Variants in HTATIP2 observed in about 807,000 individuals in gnomAD.
HTATIP2 encodes protein HTATIP2.
A neutral mutation model predicts 24.7 loss-of-function variants in HTATIP2; 26 were observed. That is an observed-to-expected ratio of 1.05 (90% CI 0.77 to 1.46). HTATIP2 has a LOEUF of 1.46. Ranked by LOEUF, HTATIP2 falls within the 40% of genes most tolerant of loss-of-function variation. HTATIP2 has a pLI of 0.00. For synonymous variants in HTATIP2, 99 were observed against 113.2 expected, an observed-to-expected ratio of 0.87 and a Z score of 0.79; for missense variants, 284 against 289.6, an observed-to-expected ratio of 0.98 and a Z score of 0.14.
chr11:20,371,539 C>T (rs572217009), intron 2 of HTATIP2, among the ~76,000 whole-genome samples: 1 of 152,236 alleles, frequency 6.6e-6, no homozygotes, highest in African/African-American at 2.4e-5. Context: ...TCAAGCAATC[C>T]TCCCACCTCA....
chr11:20,364,096 G>A lies in HTATIP2; in HGVS notation c.-142G>A. ...GGCCGGGGAGCCGCGCCCCGCACGT[G>A]ACTCAGCACTTTCCCCAGAGCCCGG... On this transcript the variant is annotated 5_prime_UTR_variant, in exon 1 of 5. An upstream open reading frame in the 5' UTR loses its in-frame stop. Coordinates refer to ENST00000451739, the MANE Select transcript of HTATIP2 (RefSeq NM_001098522.2). 1 of 1,396,514 alleles carries A rather than the reference G, an allele frequency of 7.2e-7. No homozygotes were observed. Among genetic ancestry groups the A allele is most frequent in the Non-Finnish European group, 9.3e-7 (1 of 1,073,714 alleles). The allele number at this position is 1,396,514 out of a possible 1,614,324, so 86.5% of individuals were successfully genotyped here. A position where few individuals can be genotyped will look rare whatever the true frequency, so the allele number is the denominator to read the frequency against.
Position 20,363,910 on chromosome 11 carries a change from C to G in HTATIP2, c.-328C>G, listed in dbSNP as rs2064662719. 8.0e-7 allele frequency: 1 copy of G among 1,242,516 alleles called. No individual in the cohort carries two copies. Among genetic ancestry groups the G allele is most frequent in the East Asian group, 3.2e-5 (1 of 31,688 alleles). 77.0% of individuals were successfully genotyped at this position (1,242,516 alleles called of 1,614,324 possible). A position where few individuals can be genotyped will look rare whatever the true frequency, so the allele number is the denominator to read the frequency against. The stretch of plus-strand genomic sequence containing the variant: ...AGGACCCGGGGCCGGGGGCTGGCCC[C>G]AGGTAACCCCTCCGCGTATGGGACC... On this transcript the variant is annotated 5_prime_UTR_variant, in exon 1 of 5. Transcript: ENST00000451739.
In HTATIP2 at chr11:20,372,762, C is replaced by T. The variant is rs143574553; in HGVS notation, c.304-3818C>T. On this transcript the variant is annotated intron_variant, in intron 2 of 4. Coordinates refer to ENST00000451739, the MANE Select transcript of HTATIP2 (RefSeq NM_001098522.2). ...TTAGTTTTTCTGTTGTTTTTTTAAT[C>T]GAGCTATTGGAGAACAATAAAGGGC... Among the ~76,000 whole-genome samples, 32 of 152,098 alleles carry T rather than the reference C, an allele frequency of 2.1e-4. 1 individual carries two copies. In the East Asian group the frequency reaches 4.8e-3, roughly 23 times the overall value.
At chr11:20,374,141 G>C (rs1848407141) in intron 2 of HTATIP2, among the ~76,000 whole-genome samples, 1 of 152,122 alleles carries the variant, frequency 6.6e-6, no homozygotes, top group South Asian at 2.1e-4. Flanking sequence ...GATGAGGAAG[G>C]CTTTTACAGT....
Position 20,364,084 on chromosome 11 carries a change from C to A in HTATIP2, c.-154C>A. On this transcript the variant is annotated 5_prime_UTR_variant, in exon 1 of 5. Transcript: ENST00000451739. Reference sequence around the variant, plus strand: ...GGTGCGGGCGATGGCCGGGGAGCCGCGCCCCGCACGTGACTCAGCACTTTC... The same window carrying A: ...GGTGCGGGCGATGGCCGGGGAGCCGAGCCCCGCACGTGACTCAGCACTTTC... 7.3e-7 allele frequency: 1 copy of A among 1,370,394 alleles called. No individual in the cohort carries two copies. Among genetic ancestry groups the A allele is most frequent in the African/African-American group, 1.5e-5 (1 of 67,936 alleles). The allele number at this position is 1,370,394 out of a possible 1,614,324, so 84.9% of individuals were successfully genotyped here.
rs1285358362 is a variant in HTATIP2 at position 20,383,481 on chromosome 11, T to C, written c.*276T>C. 2 of 401,350 alleles carry C rather than the reference T, an allele frequency of 5.0e-6. No individual in the cohort carries two copies. Among genetic ancestry groups the C allele is most frequent in the Non-Finnish European group, 8.9e-6 (2 of 223,684 alleles). The allele number at this position is 401,350 out of a possible 1,614,324, so 24.9% of individuals were successfully genotyped here. On this transcript the variant is annotated 3_prime_UTR_variant, in exon 5 of 5. Coordinates refer to ENST00000451739, the MANE Select transcript of HTATIP2 (RefSeq NM_001098522.2). ...GTGTGGGCACAATAATCTGTAATTT[T>C]CTTTGTTTATACTTCCCCTGATGCC... is the stretch of plus-strand genomic sequence containing the variant.
At chr11:20,371,356 T>A (rs1414285038) in intron 2 of HTATIP2, among the ~76,000 whole-genome samples, 1 of 152,208 alleles carries the variant, frequency 6.6e-6, no homozygotes, top group African/African-American at 2.4e-5. Flanking sequence ...TACCTCCTTG[T>A]CTGTCAGAAG....
intron 4 of HTATIP2, among the ~76,000 whole-genome samples, chr11:20,382,644 G>C (rs548446148): frequency 5.3e-4 from 81 of 152,212 alleles, no homozygotes; most frequent in African/African-American, 1.9e-3. Context: ...GTCCGGTGAG[G>C]CCTCTTTTCC....
At chr11:20,374,337 A>G (rs1242940569) in intron 2 of HTATIP2, among the ~76,000 whole-genome samples, 1 of 152,246 alleles carries the variant, frequency 6.6e-6, no homozygotes, top group East Asian at 1.9e-4. Flanking sequence ...GCTTTAATAA[A>G]TTCCTCAAAT....
intron 2 of HTATIP2, among the ~76,000 whole-genome samples, chr11:20,374,369 A>G (rs773440037): frequency 1.3e-5 from 2 of 152,228 alleles, no homozygotes; most frequent in Non-Finnish European, 2.9e-5. Flanking sequence ...AGACAACACA[A>G]ATTTATCATC....
chr11:20,381,482 A>T (rs1848520510), intron 3 of HTATIP2, among the ~76,000 whole-genome samples: 3 of 152,114 alleles, frequency 2.0e-5, no homozygotes, highest in African/African-American at 2.4e-5. Context: ...AAATTAAAAA[A>T]TTTTTAAAAA....
intron 4 of HTATIP2, 31 bp from the exon 5 acceptor site, chr11:20,382,949 T>G: frequency 3.3e-6 from 5 of 1,510,614 alleles, no homozygotes; most frequent in Non-Finnish European, 4.5e-6. Flanking sequence ...TTCCTCTGCT[T>G]TTCTTTCTTT....
At chr11:20,381,283 T>A (rs1848518138) in intron 3 of HTATIP2, among the ~76,000 whole-genome samples, 1 of 151,702 alleles carries the variant, frequency 6.6e-6, no homozygotes, top group South Asian at 2.1e-4. Flanking sequence ...CTACTAAAAA[T>A]ACAAAAATTA....
intron 1 of HTATIP2, among the ~76,000 whole-genome samples, chr11:20,366,955 C>A (rs1392939650): frequency 6.6e-6 from 1 of 152,174 alleles, no homozygotes; most frequent in Non-Finnish European, 1.5e-5. Flanking sequence ...ATCTGGATCA[C>A]CCCTAGTCCA....
chr11:20,383,598 G>C lies in HTATIP2; in HGVS notation c.*393G>C, dbSNP rs554830326. On this transcript the variant is annotated 3_prime_UTR_variant, in exon 5 of 5. Transcript: ENST00000451739. ...ATGAAAACCTTATGACCGTGCAAATGAGCTCTGCTCTAAAATTGTTGACAT... is the reference window on the plus strand; with the variant it reads ...ATGAAAACCTTATGACCGTGCAAATCAGCTCTGCTCTAAAATTGTTGACAT... 28 of 183,438 alleles carry C rather than the reference G, an allele frequency of 1.5e-4. No homozygotes were observed. The highest frequency in any genetic ancestry group is 7.3e-4 in the Admixed American group (13 of 17,764). 11.4% of individuals were successfully genotyped at this position (183,438 alleles called of 1,614,324 possible).
chr11:20,373,026 T>A (rs1229959228), intron 2 of HTATIP2, among the ~76,000 whole-genome samples: 1 of 152,154 alleles, frequency 6.6e-6, no homozygotes, highest in African/African-American at 2.4e-5. Flanking sequence ...AAAACGCGTA[T>A]TTATAATGAG....
intron 3 of HTATIP2, among the ~76,000 whole-genome samples, chr11:20,379,483 T>C (rs1746467966): frequency 6.6e-6 from 1 of 152,190 alleles, no homozygotes; most frequent in Admixed American, 6.5e-5. Flanking sequence ...CCTCCATGTG[T>C]GTATGAACTC....
rs1346668015 is a variant in HTATIP2, at chr11:20,364,405, C to T, written c.168C>T (p.Thr56=). Residue 56 remains threonine (T), a synonymous_variant, in exon 1 of 5, where the codon ACC becomes ACT. Transcript: ENST00000451739. ...KVTLIGRRKL[T]FDEEAYKNVN... The stretch of plus-strand genomic sequence containing the variant: ...CGCTCATTGGCCGGAGGAAGCTCAC[C>T]TTCGACGAGGAAGCTTATAAAAATG... 3.1e-6 allele frequency: 5 copies of T among 1,608,804 alleles called. No homozygotes were observed. Among genetic ancestry groups the T allele is most frequent in the Non-Finnish European group, 4.2e-6 (5 of 1,176,634 alleles).
chr11:20,378,511 T>A (rs1848476023), intron 3 of HTATIP2, among the ~76,000 whole-genome samples: 1 of 152,194 alleles, frequency 6.6e-6, no homozygotes, highest in Non-Finnish European at 1.5e-5. Flanking sequence ...AGAAAGGTTA[T>A]CAAATAGGAT....
Sources: gnomAD v4.1 joint callset for allele counts (sites outside exome capture counted in the v4.1 genomes callset) on GRCh38, gnomAD v4.1.1 for gene constraint, MANE v1.5 for transcripts, NCBI Gene and HGNC (gene_info 2026-07-23, HGNC 2026-07-21) for gene names.